Variants in HECTD2 observed in about 807,000 individuals in gnomAD.
The protein encoded by HECTD2 is HECT domain E3 ubiquitin protein ligase 2, also known as probable E3 ubiquitin-protein ligase HECTD2.
Under a neutral mutation model 103.2 loss-of-function variants are expected in HECTD2, and 35 were observed. The observed-to-expected ratio is 0.34, with a 90% confidence interval of 0.26 to 0.45. The LOEUF is 0.45. HECTD2 is among the 20% of genes least tolerant of loss of function. The pLI is 1.00. For synonymous variants in HECTD2, 281 were observed against 329.9 expected (o/e 0.85, Z 1.61); for missense variants, 596 against 937.4 (o/e 0.64, Z 4.76).
chr10:91,498,162 G>A lies in HECTD2; in HGVS notation c.1735G>A (p.Asp579Asn). The A allele has an allele frequency of 6.2e-7, 1 of 1,609,688 alleles. No homozygotes were observed. Among genetic ancestry groups the A allele is most frequent in the Non-Finnish European group, 8.5e-7 (1 of 1,176,210 alleles). Reference protein sequence around the residue: ...LLSHEGNVEEDFYSTFQVFQE... With the variant: ...LLSHEGNVEENFYSTFQVFQE... ...ATCACATGAAGGCAATGTTGAAGAA[G>A]ATTTCTATTCAACATTTCAGGTACT... Residue 579 changes from aspartate (D) to asparagine (N), a missense_variant, in exon 16 of 21, where the codon GAT (aspartate) becomes AAT (asparagine). By Grantham distance (23) the Asp-to-Asn change is conservative. Around this residue, in one of 4 missense-constraint regions of HECTD2, gnomAD observed 303 missense variants for 522.5 expected, o/e 0.58. Transcript: ENST00000298068.
intron 11 of HECTD2, 65 bp from the exon 12 acceptor site, chr10:91,491,135 T>G: frequency 1.3e-6 from 1 of 752,430 alleles, no homozygotes. Flanking sequence ...CTAAAGTGTT[T>G]AAATGTTTTA....
rs779236792 is a variant in HECTD2 at position 91,481,160 on chromosome 10, T to C, written c.711+21T>C. 59 of 1,418,926 alleles carry C rather than the reference T, an allele frequency of 4.2e-5. No individual in the cohort carries two copies. The Admixed American group carries it at 1.1e-3, about 27-fold the overall frequency. The allele number at this position is 1,418,926 out of a possible 1,614,324, so 87.9% of individuals were successfully genotyped here. A position where few individuals can be genotyped will look rare whatever the true frequency, so the allele number is the denominator to read the frequency against. On this transcript the variant is annotated intron_variant, in intron 7 of 20. Transcript: ENST00000298068. ...TACAGGTAAGAGAACCAGAACCTAGTTGAAGTTGTCTAAGTCAGATCTCAA... is the reference window on the plus strand; with the variant it reads ...TACAGGTAAGAGAACCAGAACCTAGCTGAAGTTGTCTAAGTCAGATCTCAA...
chr10:91,496,338 A>G lies in HECTD2; in HGVS notation c.1646A>G (p.Asn549Ser), dbSNP rs752351069. Residue 549 changes from asparagine (N) to serine (S), a missense_variant, in exon 15 of 21, where the codon AAT becomes AGT. Asn to Ser is a conservative substitution (Grantham distance 46, BLOSUM62 1). This residue lies in a region of HECTD2 where 303 missense variants were observed against 522.5 expected (regional missense o/e 0.58). Transcript: ENST00000298068. ...CAAAATATACCAGTAGGCATCTGCAATGTTACCGTGGACGACTTATGTCAA... is the reference window on the plus strand; with the variant it reads ...CAAAATATACCAGTAGGCATCTGCAGTGTTACCGTGGACGACTTATGTCAA... Reference protein sequence around the residue: ...SDQNIPVGICNVTVDDLCQIM... With the variant: ...SDQNIPVGICSVTVDDLCQIM... 6.7e-5 allele frequency: 108 copies of G among 1,612,336 alleles called. No homozygotes were observed. In the Middle Eastern group the frequency reaches 8.2e-4, roughly 12 times the overall value.
chr10:91,502,531 G>C (rs1342372353), intron 20 of HECTD2, among the ~76,000 whole-genome samples: 1 of 151,922 alleles, frequency 6.6e-6, no homozygotes, highest in Non-Finnish European at 1.5e-5. Context: ...AATCACACAT[G>C]GTAAGTGCCC....
At position 91,498,172 on chromosome 10, in the gene HECTD2, C is replaced by A. The variant is rs1260989514; in HGVS notation, c.1745C>A (p.Ser582Ter). Residue 582 changes from serine to a stop codon, truncating the protein, a stop_gained, in exon 16 of 21, where the codon TCA (serine) becomes TAA (stop). Transcript: ENST00000298068. LOFTEE classifies it high-confidence loss of function. The stretch of plus-strand genomic sequence containing the variant: ...GGCAATGTTGAAGAAGATTTCTATT[C>A]AACATTTCAGGTACTATTAAGGGCA... ...HEGNVEEDFY[S>*]TFQVFQEEFG... The A allele has an allele frequency of 6.2e-7, 1 of 1,606,874 alleles. No individual in the cohort carries two copies. Among genetic ancestry groups the A allele is most frequent in the South Asian group, 1.1e-5 (1 of 90,836 alleles).
intron 5 of HECTD2, among the ~76,000 whole-genome samples, chr10:91,469,808 A>G (rs1053916941): frequency 1.3e-5 from 2 of 152,208 alleles, no homozygotes; most frequent in South Asian, 4.1e-4. Context: ...ACCAAACTAT[A>G]TGCTGTCTTC....
intron 12 of HECTD2, 80 bp from the exon 13 acceptor site, chr10:91,492,272 A>T: frequency 7.4e-7 from 1 of 1,343,980 alleles, no homozygotes; most frequent in Non-Finnish European, 1.1e-6. Context: ...AGACTGCCTA[A>T]CACATTTCCC....
At chr10:91,460,233 T>C (rs767625098) in intron 2 of HECTD2, among the ~76,000 whole-genome samples, 194 bp from the exon 3 acceptor site, 8 of 152,120 alleles carry the variant, frequency 5.3e-5, no homozygotes, top group Non-Finnish European at 1.0e-4. Flanking sequence ...CAGCCTAATA[T>C]GTGTTGTGAG....
intron 15 of HECTD2, among the ~76,000 whole-genome samples, chr10:91,497,898 A>G (rs1846747490): frequency 6.6e-6 from 1 of 152,176 alleles, no homozygotes; most frequent in Admixed American, 6.5e-5. Flanking sequence ...ATGCCCCTGT[A>G]GTTTGAACTG....
intron 1 of HECTD2, among the ~76,000 whole-genome samples, chr10:91,417,144 CT>C (rs761159164): frequency 6.6e-6 from 1 of 151,930 alleles, no homozygotes; most frequent in African/African-American, 2.4e-5. Context: ...ATTTTTTCTC[CT>C]TTTTTTATAG....
At chr10:91,457,288 A>G (rs1176877282) in intron 2 of HECTD2, among the ~76,000 whole-genome samples, 1 of 152,110 alleles carries the variant, frequency 6.6e-6, no homozygotes, top group African/African-American at 2.4e-5. Context: ...CGAAAAGGGA[A>G]CACTTCTTTT....
Position 91,496,249 on chromosome 10 carries a change from G to A in HECTD2, c.1557G>A (p.Leu519=), listed in dbSNP as rs758466283. ...MGLAVYNSIT[L]DIRFPPCCYK... ...TAGCTGTTTATAACAGCATCACCTT[G>A]GATATTCGTTTCCCTCCCTGCTGTT... Residue 519 remains leucine (L), a synonymous_variant, in exon 15 of 21, where the codon TTG becomes TTA. Transcript: ENST00000298068. 8 of 1,612,474 alleles carry A rather than the reference G, an allele frequency of 5.0e-6. No individual in the cohort carries two copies. In the East Asian group the frequency reaches 6.7e-5, roughly 13 times the overall value.
chr10:91,422,147 C>T (rs925943593), intron 1 of HECTD2, among the ~76,000 whole-genome samples: 1 of 152,194 alleles, frequency 6.6e-6, no homozygotes, highest in African/African-American at 2.4e-5. Context: ...TTCTCTATCT[C>T]TGTTCAGGAT....
At chr10:91,479,396 G>T (rs1177828706) in intron 6 of HECTD2, among the ~76,000 whole-genome samples, 1 of 152,084 alleles carries the variant, frequency 6.6e-6, no homozygotes, top group African/African-American at 2.4e-5. Flanking sequence ...AGTAAAAAAT[G>T]TTTACATTTT....
chr10:91,509,610 G>T (rs1410818799), intron 20 of HECTD2, among the ~76,000 whole-genome samples: 4 of 152,092 alleles, frequency 2.6e-5, no homozygotes, highest in Admixed American at 6.5e-5. Context: ...TTAAAAAAAA[G>T]ATCATGTCCT....
At chr10:91,410,606 C>G (rs1210317631) in intron 1 of HECTD2, 30 bp downstream of exon 1, 3 of 1,182,954 alleles carry the variant, frequency 2.5e-6, no homozygotes, top group Non-Finnish European at 3.1e-6. Flanking sequence ...CGTCTGGCGC[C>G]CCGGACGGCG....
intron 2 of HECTD2, among the ~76,000 whole-genome samples, chr10:91,433,966 CTT>C (rs530918182): frequency 8.0e-4 from 122 of 152,058 alleles, no homozygotes; most frequent in Non-Finnish European, 1.0e-3. Flanking sequence ...CTAAAGATAA[CTT>C]TATAGAGAGG....
chr10:91,458,106 G>A (rs530033040), intron 2 of HECTD2, among the ~76,000 whole-genome samples: 68 of 148,992 alleles, frequency 4.6e-4, no homozygotes, highest in African/African-American at 1.5e-3. Context: ...AAGAATACAC[G>A]ATAAACATAC....
upstream of HECTD2, among the ~76,000 whole-genome samples, chr10:91,409,599 C>T (rs1842832237): frequency 6.6e-6 from 1 of 151,960 alleles, no homozygotes; most frequent in Non-Finnish European, 1.5e-5. Flanking sequence ...GCCGTCCAAT[C>T]CTATGGGGGA....
Sources: allele counts gnomAD v4.1 joint callset (sites outside exome capture counted in the v4.1 genomes callset), GRCh38; gene constraint gnomAD v4.1.1; regional missense constraint gnomAD v4.1.1; transcripts MANE v1.5; gene names NCBI Gene and HGNC (gene_info 2026-07-23, HGNC 2026-07-21).